Variants in CNTNAP4 observed in about 807,000 individuals in gnomAD.
CNTNAP4 encodes the protein contactin-associated protein-like 4.
In CNTNAP4, 98 loss-of-function variants were observed where a neutral mutation model predicts 148.4. That is an observed-to-expected ratio of 0.66 (90% CI 0.56 to 0.78). CNTNAP4 has a LOEUF of 0.78. Ranked by LOEUF, CNTNAP4 falls within the 30% of genes least tolerant of loss-of-function variation. CNTNAP4 has a pLI of 0.00. For missense variants in CNTNAP4, 1,935 were observed against 1,565.6 expected, an observed-to-expected ratio of 1.24 and a Z score of -3.98; for synonymous variants, 730 against 565.1, an observed-to-expected ratio of 1.29 and a Z score of -4.14.
At chr16:76,332,870 T>A (rs1035531) in intron 2 of CNTNAP4, among the ~76,000 whole-genome samples, 26,630 of 152,090 alleles carry the variant, frequency 0.18, 2,871 homozygotes, top group East Asian at 0.32. Flanking sequence ...CAGTTTATTC[T>A]GGCAGCGCTT....
chr16:76,487,794 T>C (rs548078711), intron 12 of CNTNAP4, among the ~76,000 whole-genome samples: 1 of 152,298 alleles, frequency 6.6e-6, no homozygotes, highest in South Asian at 2.1e-4. Context: ...AAAGGAAACG[T>C]TGTTATGAGC....
chr16:76,313,278 C>T (rs982460119), intron 1 of CNTNAP4, among the ~76,000 whole-genome samples: 3 of 152,216 alleles, frequency 2.0e-5, no homozygotes, highest in African/African-American at 7.2e-5. Context: ...TCTGAATCTA[C>T]ATAATTGATT....
intron 3 of CNTNAP4, among the ~76,000 whole-genome samples, chr16:76,395,087 G>C (rs944457292): frequency 6.6e-6 from 1 of 152,084 alleles, no homozygotes; most frequent in African/African-American, 2.4e-5. Flanking sequence ...ATGGCAAAAC[G>C]TGACTCTCCC....
intron 20 of CNTNAP4, 105 bp downstream of exon 20, chr16:76,539,957 T>C: frequency 1.3e-6 from 1 of 794,998 alleles, no homozygotes; most frequent in South Asian, 2.2e-5. Context: ...GACACTTTCA[T>C]TGGTCTTCTT....
At chr16:76,318,692 C>A (rs1221661561) in intron 2 of CNTNAP4, among the ~76,000 whole-genome samples, 4 of 141,832 alleles carry the variant, frequency 2.8e-5, no homozygotes, top group Non-Finnish European at 6.3e-5. Flanking sequence ...CATAATATTT[C>A]TCATAATGAT....
rs143645831 is a variant in CNTNAP4 at position 76,305,063 on chromosome 16, A to G, written c.86-11350A>G. Among the ~76,000 whole-genome samples the G allele has an allele frequency of 7.4e-3, 1,133 of 152,350 alleles. 4 individuals carry two copies. Among genetic ancestry groups the G allele is most frequent in the Non-Finnish European group, 0.012 (849 of 68,024 alleles). On this transcript the variant is annotated intron_variant, in intron 1 of 23. Transcript: ENST00000611870. Reference sequence around the variant, plus strand: ...TTTGTGTACAGGTTTTTGTGTGAACATAAGTTTTTATTTTTCTGGAATAAA... The same window carrying G: ...TTTGTGTACAGGTTTTTGTGTGAACGTAAGTTTTTATTTTTCTGGAATAAA...
chr16:76,432,129 G>A (rs1375710315), intron 4 of CNTNAP4, among the ~76,000 whole-genome samples: 4 of 152,254 alleles, frequency 2.6e-5, no homozygotes, highest in Middle Eastern at 3.4e-3. Context: ...ATGCATTTCC[G>A]TCATAATAAA....
At chr16:76,296,128 T>C (rs907098499) in intron 1 of CNTNAP4, among the ~76,000 whole-genome samples, 4 of 152,248 alleles carry the variant, frequency 2.6e-5, no homozygotes, top group African/African-American at 7.2e-5. Context: ...CATGGTAATG[T>C]ATTGAGTAAA....
chr16:76,289,704 G>C (rs1337763872), intron 1 of CNTNAP4, among the ~76,000 whole-genome samples: 1 of 151,874 alleles, frequency 6.6e-6, no homozygotes, highest in South Asian at 2.1e-4. Context: ...CTCCCATGTA[G>C]TGACTACAGG....
At chr16:76,493,810 C>T (rs1457030479) in intron 13 of CNTNAP4, among the ~76,000 whole-genome samples, 3 of 152,030 alleles carry the variant, frequency 2.0e-5, no homozygotes, top group African/African-American at 4.8e-5. Context: ...TTTGTTTTGA[C>T]GTGGCCAGAC....
intron 3 of CNTNAP4, among the ~76,000 whole-genome samples, chr16:76,425,888 T>A (rs1043164662): frequency 7.2e-5 from 11 of 152,174 alleles, no homozygotes; most frequent in Non-Finnish European, 1.6e-4. Flanking sequence ...TGGCATAGTT[T>A]AATTTACCTC....
At chr16:76,417,160 T>G (rs1218084341) in intron 3 of CNTNAP4, among the ~76,000 whole-genome samples, 3 of 151,532 alleles carry the variant, frequency 2.0e-5, no homozygotes, top group Admixed American at 1.3e-4. Context: ...CTATATACTC[T>G]GACAATCTCT....
intron 8 of CNTNAP4, among the ~76,000 whole-genome samples, chr16:76,457,025 A>G (rs1458760465): frequency 1.3e-5 from 2 of 152,192 alleles, no homozygotes; most frequent in Non-Finnish European, 2.9e-5. Flanking sequence ...TTTTATTATT[A>G]TGACAACATG....
At chr16:76,470,093 C>G (rs1240019527) in intron 10 of CNTNAP4, among the ~76,000 whole-genome samples, 1 of 152,062 alleles carries the variant, frequency 6.6e-6, no homozygotes, top group East Asian at 1.9e-4. Flanking sequence ...ACCTGTTCTT[C>G]ATAGTGTTTG....
chr16:76,362,898 A>G (rs996109795), intron 3 of CNTNAP4, among the ~76,000 whole-genome samples: 1 of 152,122 alleles, frequency 6.6e-6, no homozygotes, highest in Non-Finnish European at 1.5e-5. Flanking sequence ...GCCTGAACCT[A>G]AAATAGAAGT....
intron 2 of CNTNAP4, among the ~76,000 whole-genome samples, chr16:76,346,863 A>T (rs1164544164): frequency 1.3e-5 from 2 of 152,178 alleles, no homozygotes; most frequent in Non-Finnish European, 2.9e-5. Context: ...AAAGCACTGC[A>T]TTATTAAAGA....
At chr16:76,463,552 A>G (rs1184637608) in intron 9 of CNTNAP4, among the ~76,000 whole-genome samples, 1 of 152,196 alleles carries the variant, frequency 6.6e-6, no homozygotes, top group Non-Finnish European at 1.5e-5. Flanking sequence ...ATCTTTTTAA[A>G]AAGTATTTTT....
At chr16:76,384,064 G>C (rs1379242590) in intron 3 of CNTNAP4, among the ~76,000 whole-genome samples, 2 of 151,650 alleles carry the variant, frequency 1.3e-5, no homozygotes, top group Non-Finnish European at 2.9e-5. Flanking sequence ...ATTTTTTTGA[G>C]ATGGAGTCTC....
chr16:76,368,777 A>G (rs2014450374), intron 3 of CNTNAP4, among the ~76,000 whole-genome samples: 1 of 152,286 alleles, frequency 6.6e-6, no homozygotes, highest in East Asian at 1.9e-4. Flanking sequence ...CCTATGTAAC[A>G]AACCTGCACA....
Sources: gnomAD v4.1 joint callset for allele counts (sites outside exome capture counted in the v4.1 genomes callset) on GRCh38, gnomAD v4.1.1 for gene constraint, MANE v1.5 for transcripts, NCBI Gene and HGNC (gene_info 2026-07-23, HGNC 2026-07-21) for gene names.